ANKFN1: variants seen among roughly 807,000 people sequenced by gnomAD.
ANKFN1 encodes the protein ankyrin repeat and fibronectin type III domain containing 1.
Under a neutral mutation model 108.7 loss-of-function variants are expected in ANKFN1, and 74 were observed. That is an observed-to-expected ratio of 0.68 (90% CI 0.56 to 0.83). ANKFN1 has a LOEUF of 0.83. Among genes scored for constraint, ANKFN1 ranks in the 40% least tolerant of loss-of-function variants. ANKFN1 has a pLI of 0.00. For synonymous variants in ANKFN1, 547 were observed against 516.2 expected (o/e 1.06, Z -0.81); for missense variants, 1,505 against 1,382.3 (o/e 1.09, Z -1.41).
intron 6 of ANKFN1, among the ~76,000 whole-genome samples, chr17:56,357,573 A>G (rs1334323078): frequency 6.6e-6 from 1 of 152,168 alleles, no homozygotes; most frequent in East Asian, 1.9e-4. Flanking sequence ...TGTTCTGCGC[A>G]CTAAGGTGTC....
intron 1 of ANKFN1, among the ~76,000 whole-genome samples, chr17:56,159,470 G>T (rs1304323112): frequency 6.6e-6 from 1 of 152,214 alleles, no homozygotes; most frequent in Non-Finnish European, 1.5e-5. Flanking sequence ...CAGCAACTCT[G>T]AAATAAATAT....
At chr17:56,384,628 G>C (rs532081579) in intron 8 of ANKFN1, among the ~76,000 whole-genome samples, 7 of 152,268 alleles carry the variant, frequency 4.6e-5, no homozygotes, top group Admixed American at 1.3e-4. Context: ...AAAGTCTCAG[G>C]ATACAAAATC....
intron 3 of ANKFN1, among the ~76,000 whole-genome samples, chr17:56,248,099 G>A (rs1338989863): frequency 6.6e-6 from 1 of 152,190 alleles, no homozygotes; most frequent in Non-Finnish European, 1.5e-5. Flanking sequence ...CATTGCTGGA[G>A]CCTGGCCTTT....
At chr17:56,395,008 G>A (rs900058151) in intron 8 of ANKFN1, among the ~76,000 whole-genome samples, 2 of 152,186 alleles carry the variant, frequency 1.3e-5, no homozygotes, top group Non-Finnish European at 2.9e-5. Flanking sequence ...AAGCTGAAGG[G>A]CCTCTCCAGT....
chr17:56,196,394 G>T (rs1304025562), intron 1 of ANKFN1, among the ~76,000 whole-genome samples: 1 of 152,106 alleles, frequency 6.6e-6, no homozygotes, highest in Non-Finnish European at 1.5e-5. Context: ...AGAATTGAAG[G>T]TTTAATCAGA....
rs182363926 is a variant in ANKFN1 at position 56,202,092 on chromosome 17, C to T, written c.-70-10506C>T. Among the ~76,000 whole-genome samples, 261 of 152,288 alleles carry T rather than the reference C, an allele frequency of 1.7e-3. 3 individuals carry two copies. Among genetic ancestry groups the T allele is most frequent in the African/African-American group, 6.0e-3 (251 of 41,562 alleles). ...TCCTTTAATCTTTTCCAACCCTTTT[C>T]CAGAGGCCAGAAGGCAAAGTAGCCT... On this transcript the variant is annotated intron_variant, in intron 1 of 20. Coordinates refer to ENST00000682825, the MANE Select transcript of ANKFN1 (RefSeq NM_001370326.1).
chr17:56,431,237 C>A (rs1034216894), intron 8 of ANKFN1, among the ~76,000 whole-genome samples: 2 of 152,118 alleles, frequency 1.3e-5, no homozygotes, highest in Non-Finnish European at 1.5e-5. Context: ...CCAGTTATGC[C>A]ACTTGTTAAA....
intron 20 of ANKFN1, among the ~76,000 whole-genome samples, chr17:56,505,740 A>G (rs1263504668): frequency 6.6e-6 from 1 of 152,230 alleles, no homozygotes. Flanking sequence ...GGAAAACAAT[A>G]CAGGCTTTCC....
intron 10 of ANKFN1, among the ~76,000 whole-genome samples, chr17:56,445,868 G>A (rs991544694): frequency 6.6e-6 from 1 of 152,046 alleles, no homozygotes; most frequent in African/African-American, 2.4e-5. Flanking sequence ...ATGTAAGCTC[G>A]GCATTGTGTC....
intron 4 of ANKFN1, among the ~76,000 whole-genome samples, chr17:56,066,482 G>T (rs1905059253): frequency 6.6e-6 from 1 of 152,148 alleles, no homozygotes; most frequent in Admixed American, 6.5e-5. Context: ...GAATAGATTT[G>T]CATTGATTGC....
At chr17:56,308,269 A>G (rs2044900417) in intron 3 of ANKFN1, among the ~76,000 whole-genome samples, 2 of 152,314 alleles carry the variant, frequency 1.3e-5, no homozygotes, top group East Asian at 1.9e-4. Context: ...GCATAAAAAA[A>G]TAAACATGGG....
chr17:56,198,808 C>A (rs978558229), intron 1 of ANKFN1, among the ~76,000 whole-genome samples: 4 of 152,102 alleles, frequency 2.6e-5, no homozygotes, highest in Non-Finnish European at 5.9e-5. Context: ...GCTCTCAGCT[C>A]CATTCTGTTG....
chr17:56,479,514 T>C (rs1732078989), intron 16 of ANKFN1, among the ~76,000 whole-genome samples: 1 of 152,234 alleles, frequency 6.6e-6, no homozygotes, highest in South Asian at 2.1e-4. Context: ...TTTGTTCTTT[T>C]CTTACTGGGA....
intron 1 of ANKFN1, among the ~76,000 whole-genome samples, chr17:56,203,651 T>G (rs1471905540): frequency 6.6e-6 from 1 of 152,224 alleles, no homozygotes. Flanking sequence ...AGTAACTTCC[T>G]GCTCTTCGTG....
chr17:56,345,337 G>A (rs2046068767), intron 4 of ANKFN1, among the ~76,000 whole-genome samples: 1 of 152,114 alleles, frequency 6.6e-6, no homozygotes, highest in African/African-American at 2.4e-5. Context: ...ATTGTAAACA[G>A]TGCTACTATA....
chr17:56,098,865 GTGCA>G (rs1905585346), intron 4 of ANKFN1, among the ~76,000 whole-genome samples: 1 of 101,290 alleles, frequency 9.9e-6, no homozygotes, highest in Non-Finnish European at 2.0e-5. Context: ...GTGTGCGTGT[GTGCA>G]TGTGTGTGTG....
chr17:56,302,327 C>A (rs2044692656), intron 3 of ANKFN1, among the ~76,000 whole-genome samples: 1 of 152,006 alleles, frequency 6.6e-6, no homozygotes, highest in Admixed American at 6.6e-5. Context: ...GAGTTTGAGA[C>A]CAGTCTGGGC....
intron 4 of ANKFN1, among the ~76,000 whole-genome samples, chr17:56,146,098 T>TG (rs1908243600): frequency 6.6e-6 from 1 of 152,204 alleles, no homozygotes; most frequent in South Asian, 2.1e-4. Flanking sequence ...CAAAATCCAG[T>TG]GGGGCAGTCA....
intron 20 of ANKFN1, among the ~76,000 whole-genome samples, chr17:56,509,735 C>A (rs556483700): frequency 2.0e-5 from 3 of 152,218 alleles, no homozygotes; most frequent in Non-Finnish European, 2.9e-5. Context: ...ACATCATCTC[C>A]TACAGTAAGG....
Sources: allele counts gnomAD v4.1 joint callset (sites outside exome capture counted in the v4.1 genomes callset), GRCh38; gene constraint gnomAD v4.1.1; transcripts MANE v1.5; gene names NCBI Gene and HGNC (gene_info 2026-07-23, HGNC 2026-07-21).